Variants in SLC8A1 observed in about 807,000 individuals in gnomAD.
SLC8A1 encodes sodium/calcium exchanger 1.
In SLC8A1, 18 loss-of-function variants were observed where a neutral mutation model predicts 68.3. The observed-to-expected ratio is 0.26, with a 90% CI of 0.18 to 0.39. SLC8A1 has a LOEUF of 0.39. Among genes scored for constraint, SLC8A1 ranks in the 10% least tolerant of loss-of-function variants. The pLI, the probability that SLC8A1 is intolerant of heterozygous loss-of-function variation, is 1.00. For missense variants in SLC8A1, 985 were observed against 1,156.7 expected, an observed-to-expected ratio of 0.85 and a Z score of 2.15; for synonymous variants, 475 against 415.5, an observed-to-expected ratio of 1.14 and a Z score of -1.74.
At chr2:40,406,417 T>C (rs1390251398) in intron 2 of SLC8A1, among the ~76,000 whole-genome samples, 1 of 152,330 alleles carries the variant, frequency 6.6e-6, no homozygotes, top group East Asian at 1.9e-4. Flanking sequence ...CATGATTACT[T>C]ATTTATTGTA....
At chr2:40,258,153 C>G (rs963758966) in intron 2 of SLC8A1, among the ~76,000 whole-genome samples, 2 of 152,196 alleles carry the variant, frequency 1.3e-5, no homozygotes, top group South Asian at 4.1e-4. Context: ...AGAAAAATCT[C>G]TAAACAGTGA....
intron 1 of SLC8A1, among the ~76,000 whole-genome samples, chr2:40,478,486 T>C (rs1219286009): frequency 6.6e-6 from 1 of 152,192 alleles, no homozygotes. Context: ...AATAACTATT[T>C]AAAGCAACAT....
chr2:40,218,037 G>A (rs915131343), intron 2 of SLC8A1, among the ~76,000 whole-genome samples: 1 of 152,124 alleles, frequency 6.6e-6, no homozygotes, highest in Non-Finnish European at 1.5e-5. Flanking sequence ...TTGTCTCAGT[G>A]GGGTAGTAAA....
rs543194094 is a variant in SLC8A1 at position 40,194,469 on chromosome 2, ATGTGTGTGTGTGTGTG to A, written c.1809-16630_1809-16615del. ...AATGACTCAGGTTACTCAGTAAGCAATGTGTGTGTGTGTGTGTGTGTGTGTGTGTGTGTGTGTGCGC... is the reference window on the plus strand; with the variant it reads ...AATGACTCAGGTTACTCAGTAAGCAATGTGTGTGTGTGTGTGTGTGTGCGC... On this transcript the variant is annotated intron_variant, in intron 2 of 7. Transcript: ENST00000406785. Among the ~76,000 whole-genome samples, 7 of 137,328 alleles carry A rather than the reference ATGTGTGTGTGTGTGTG, an allele frequency of 5.1e-5. No homozygotes were observed. The South Asian group carries it at 7.6e-4, about 15-fold the overall frequency. 90.1% of individuals were successfully genotyped at this position (137,328 alleles called of 152,430 possible).
intron 2 of SLC8A1, among the ~76,000 whole-genome samples, chr2:40,380,121 C>T (rs1045651360): frequency 2.6e-5 from 4 of 152,150 alleles, no homozygotes; most frequent in African/African-American, 7.2e-5. Flanking sequence ...TTACAAAGCA[C>T]TGTTTGTTGT....
chr2:40,354,751 TG>T (rs759282336), intron 2 of SLC8A1, among the ~76,000 whole-genome samples: 1 of 152,178 alleles, frequency 6.6e-6, no homozygotes, highest in Non-Finnish European at 1.5e-5. Context: ...GAAAGGGAAA[TG>T]CTAGGAAAAA....
At chr2:40,411,433 G>C (rs1292617054) in intron 2 of SLC8A1, among the ~76,000 whole-genome samples, 1 of 151,916 alleles carries the variant, frequency 6.6e-6, no homozygotes, top group Non-Finnish European at 1.5e-5. Flanking sequence ...CTTTGTGAAA[G>C]TTATTATAAG....
chr2:40,509,536 T>G (rs748573951), intron 1 of SLC8A1, among the ~76,000 whole-genome samples: 31 of 151,214 alleles, frequency 2.1e-4, no homozygotes, highest in Non-Finnish European at 4.3e-4. Context: ...TCCAGGCTTC[T>G]GGAAGTGTAC....
exon 8 of SLC8A1, chr2:40,106,716 C>T (rs942479326): frequency 2.0e-5 from 3 of 152,168 alleles, no homozygotes; most frequent in Admixed American, 6.5e-5. Context: ...TTAAAAATAA[C>T]TTTCCATTAT....
intron 6 of SLC8A1, among the ~76,000 whole-genome samples, chr2:40,151,346 G>A (rs2148377990): frequency 6.6e-6 from 1 of 152,176 alleles, no homozygotes; most frequent in Non-Finnish European, 1.5e-5. Flanking sequence ...TTTTAATCCA[G>A]TTATATACGG....
intron 2 of SLC8A1, among the ~76,000 whole-genome samples, chr2:40,363,337 G>GGAC (rs1553537294): frequency 1.3e-5 from 2 of 150,856 alleles, no homozygotes; most frequent in African/African-American, 4.9e-5. Context: ...ACCACTGCAG[G>GGAC]GATGATGATG....
Position 40,463,887 on chromosome 2 carries a change from C to CACACACACACAT in SLC8A1, c.-24-33584_-24-33583insATGTGTGTGTGT, listed in dbSNP as rs796954298. 9.8e-4 allele frequency among the ~76,000 whole-genome samples: 106 copies of CACACACACACAT among 108,584 alleles called. 1 individual carries two copies. Among genetic ancestry groups the CACACACACACAT allele is most frequent in the East Asian group, 5.7e-3 (22 of 3,856 alleles). 71.2% of individuals were successfully genotyped at this position (108,584 alleles called of 152,430 possible). ...ACACACACACACACACACACACACA[C>CACACACACACAT]ATATATATATAGAGAGAGAGACAGA... On this transcript the variant is annotated intron_variant, in intron 1 of 7. Transcript: ENST00000402441.
intron 1 of SLC8A1, among the ~76,000 whole-genome samples, chr2:40,445,386 A>G (rs920130839): frequency 6.6e-6 from 1 of 152,182 alleles, no homozygotes; most frequent in Non-Finnish European, 1.5e-5. Flanking sequence ...CTTATTAGAC[A>G]TTCAGGAATT....
chr2:40,168,224 A>T (rs1297860280), intron 4 of SLC8A1, among the ~76,000 whole-genome samples: 2 of 152,126 alleles, frequency 1.3e-5, no homozygotes, highest in Non-Finnish European at 2.9e-5. Flanking sequence ...AGTTGGCCTA[A>T]AGGGAGTCAG....
chr2:40,315,672 T>C (rs2074349284), intron 2 of SLC8A1, among the ~76,000 whole-genome samples: 2 of 152,062 alleles, frequency 1.3e-5, no homozygotes, highest in Admixed American at 6.6e-5. Flanking sequence ...TGTCACTGTC[T>C]TGTCTGAAAT....
chr2:40,343,831 A>T (rs1287314407), intron 2 of SLC8A1, among the ~76,000 whole-genome samples: 1 of 152,210 alleles, frequency 6.6e-6, no homozygotes, highest in African/African-American at 2.4e-5. Flanking sequence ...TCAAAGGCTA[A>T]CTCCCAACTT....
intron 2 of SLC8A1, among the ~76,000 whole-genome samples, chr2:40,226,382 T>A (rs915414870): frequency 6.6e-6 from 1 of 152,144 alleles, no homozygotes; most frequent in Non-Finnish European, 1.5e-5. Context: ...AGGGTAGGCA[T>A]TGTGGTCCGT....
At chr2:40,192,944 C>T (rs111978557) in intron 2 of SLC8A1, among the ~76,000 whole-genome samples, 1 of 152,248 alleles carries the variant, frequency 6.6e-6, no homozygotes, top group South Asian at 2.1e-4. Flanking sequence ...GCAGTACTGT[C>T]TGTATTCAAC....
At position 40,336,105 on chromosome 2, in the gene SLC8A1, G is replaced by A. The variant is rs6737233; in HGVS notation, c.1808+92368C>T. Among the ~76,000 whole-genome samples the A allele has an allele frequency of 4.3e-3, 661 of 152,292 alleles. 4 individuals are homozygous for A. The highest frequency in any genetic ancestry group is 0.015 in the African/African-American group (631 of 41,560). ...ACGAAATCCCTGCCAGTGGTGAAGA[G>A]CAAATGGCTGTTCTCTACAATGCTC... is the stretch of plus-strand genomic sequence containing the variant. On this transcript the variant is annotated intron_variant, in intron 2 of 7. Coordinates refer to ENST00000406785, the Ensembl canonical transcript of SLC8A1.
Sources: gnomAD v4.1 joint callset for allele counts (sites outside exome capture counted in the v4.1 genomes callset) on GRCh38, gnomAD v4.1.1 for gene constraint, MANE v1.5 for transcripts, NCBI Gene and HGNC (gene_info 2026-07-23, HGNC 2026-07-21) for gene names.